The following ITIH3 variants were observed in gnomAD, a reference collection of about 807,000 sequenced individuals.
ITIH3 encodes the protein inter-alpha-trypsin inhibitor heavy chain 3.
Under a neutral mutation model 96.5 loss-of-function variants are expected in ITIH3, and 81 were observed. The ratio of observed to expected loss-of-function variants is 0.84; its 90% CI spans 0.70 to 1.01. The LOEUF is 1.01. ITIH3 is among the 50% of genes least tolerant of loss of function. The pLI, the probability that ITIH3 is intolerant of heterozygous loss-of-function variation, is 0.00. For synonymous variants in ITIH3, 422 were observed against 445.2 expected (o/e 0.95, Z 0.66); for missense variants, 1,057 against 1,139.3 (o/e 0.93, Z 1.04).
intron 9 of ITIH3, 102 bp downstream of exon 9, chr3:52,800,023 T>A: frequency 9.0e-7 from 1 of 1,112,738 alleles, no homozygotes; most frequent in Non-Finnish European, 1.3e-6. Context: ...TCTCAGGCCC[T>A]CTTCAGATCT....
chr3:52,802,722 C>T lies in ITIH3; in HGVS notation c.1625C>T (p.Ala542Val). The stretch of plus-strand genomic sequence containing the variant: ...GTGGACATGAAGGAGATGGAGAAGG[C>T]CCTGCAGGAGCGGGACTACATCTTC... ...EEVDMKEMEKALQERDYIFGN... is the reference protein window; with the variant it reads ...EEVDMKEMEKVLQERDYIFGN... Residue 542 changes from alanine (A) to valine (V), a missense_variant, in exon 13 of 22, where the codon GCC becomes GTC. Transcript: ENST00000449956. 6.2e-7 allele frequency: 1 copy of T among 1,613,978 alleles called. No homozygotes were observed. The highest frequency in any genetic ancestry group is 8.5e-7 in the Non-Finnish European group (1 of 1,179,874).
chr3:52,806,420 G>A lies in ITIH3; in HGVS notation c.2056+14G>A, dbSNP rs766167393. Reference sequence around the variant, plus strand: ...ATGCAGTCACAGGTGAGGCTTGTGGGCTAGGGCCGGGGCCAGGGGGCTCTT... The same window carrying A: ...ATGCAGTCACAGGTGAGGCTTGTGGACTAGGGCCGGGGCCAGGGGGCTCTT... On this transcript the variant is annotated intron_variant, in intron 18 of 21. Coordinates refer to ENST00000449956, the MANE Select transcript of ITIH3 (RefSeq NM_002217.4). 1.9e-6 allele frequency: 3 copies of A among 1,600,558 alleles called. No homozygotes were observed. The highest frequency in any genetic ancestry group is 2.2e-5 in the East Asian group (1 of 44,716).
At chr3:52,797,977 C>T (rs371603059) in intron 6 of ITIH3, 47 bp downstream of exon 6, 3 of 1,150,484 alleles carry the variant, frequency 2.6e-6, no homozygotes, top group Non-Finnish European at 2.5e-6. Flanking sequence ...GACAGGAATA[C>T]TGACTCCAGC....
chr3:52,808,364 C>G (rs928612871), intron 21 of ITIH3, 143 bp downstream of exon 21: 1 of 1,053,858 alleles, frequency 9.5e-7, no homozygotes, highest in Admixed American at 2.3e-5. Context: ...CCCTCCCAGG[C>G]TCTTGCTAAT....
chr3:52,802,765 G>A lies in ITIH3; in HGVS notation c.1668G>A (p.Arg556=), dbSNP rs747035733. Residue 556 remains arginine, a synonymous_variant, in exon 13 of 22, where the codon CGG becomes CGA. Transcript: ENST00000449956. ...RDYIFGNYIE[R]LWAYLTIEQL... The stretch of plus-strand genomic sequence containing the variant: ...ACATCTTCGGGAATTACATTGAGCG[G>A]CTCTGGGCCTACCTCACCATTGAGC... 5.0e-6 allele frequency: 8 copies of A among 1,613,992 alleles called. No individual in the cohort carries two copies. Among genetic ancestry groups the A allele is most frequent in the Non-Finnish European group, 5.9e-6 (7 of 1,179,880 alleles).
rs955021731 is a variant in ITIH3 at position 52,802,655 on chromosome 3, C to T, written c.1570-12C>T. ...GCCTCCAGCCCCTTGCCTCCTTCTA[C>T]CCCCACCCTAGGCCACCAACGACCT... is the stretch of plus-strand genomic sequence containing the variant. On this transcript the variant is annotated splice_polypyrimidine_tract_variant and intron_variant, in intron 12 of 21. Coordinates refer to ENST00000449956, the MANE Select transcript of ITIH3 (RefSeq NM_002217.4). The T allele has an allele frequency of 6.2e-7, 1 of 1,613,698 alleles. No homozygotes were observed. Among genetic ancestry groups the T allele is most frequent in the Non-Finnish European group, 8.5e-7 (1 of 1,179,848 alleles).
In ITIH3 at chr3:52,802,735, G is replaced by A. The variant is rs199774480; in HGVS notation, c.1638G>A (p.Arg546=). ...MKEMEKALQE[R]DYIFGNYIER... is the part of the protein sequence containing the mutation. ...AGATGGAGAAGGCCCTGCAGGAGCG[G>A]GACTACATCTTCGGGAATTACATTG... The change falls in exon 13 of 22, where the codon CGG becomes CGA. Residue 546 remains arginine, a synonymous_variant. Transcript: ENST00000449956. 290 of 1,613,954 alleles carry A rather than the reference G, an allele frequency of 1.8e-4. No homozygotes were observed. Among genetic ancestry groups the A allele is most frequent in the Non-Finnish European group, 2.1e-4 (253 of 1,179,878 alleles).
intron 4 of ITIH3, 84 bp from the exon 5 acceptor site, chr3:52,797,021 A>G: frequency 6.7e-7 from 1 of 1,490,458 alleles, no homozygotes; most frequent in Non-Finnish European, 9.1e-7. Flanking sequence ...CTCCCTCGCC[A>G]AAGGGCTGGG....
chr3:52,801,170 C>G (rs58253432), intron 11 of ITIH3, 24 bp downstream of exon 11: 9 of 1,529,258 alleles, frequency 5.9e-6, no homozygotes, highest in Non-Finnish European at 7.9e-6. Context: ...TGCACACTTC[C>G]GGGCATAAGG....
chr3:52,806,389 T>C lies in ITIH3; in HGVS notation c.2039T>C (p.Ile680Thr). The C allele has an allele frequency of 6.2e-7, 1 of 1,613,318 alleles. No individual in the cohort carries two copies. Among genetic ancestry groups the C allele is most frequent in the Non-Finnish European group, 8.5e-7 (1 of 1,179,504 alleles). ...DEAPGTVLRL[I>T]QDAVTGLTVN... ...GCCCCAGGCACAGTGCTGCGCCTTA[T>C]TCAGGATGCAGTCACAGGTGAGGCT... Residue 680 changes from isoleucine (I) to threonine (T), a missense_variant, in exon 18 of 22, where the codon ATT becomes ACT. Ile to Thr is a moderately conservative substitution (Grantham distance 89, BLOSUM62 -1). Transcript: ENST00000449956.
At position 52,806,115 on chromosome 3, in the gene ITIH3, C is replaced by T. The variant is rs60805548; in HGVS notation, c.1919C>T (p.Pro640Leu). ...TTTGTATCTGCAGCCAGCTACCAGC[C>T]TCCTCAAAACCCCTACTACTATGGT... Reference protein sequence around the residue: ...PAMSYLTSYQPPQNPYYYVDG... With the variant: ...PAMSYLTSYQLPQNPYYYVDG... Residue 640 changes from proline (P) to leucine (L), a missense_variant, in exon 17 of 22, where the codon CCT (proline) becomes CTT (leucine). Pro to Leu is a moderately conservative substitution (Grantham distance 98). Transcript: ENST00000449956. 14,507 of 1,602,614 alleles carry T rather than the reference C, an allele frequency of 9.1e-3. 1,206 individuals are homozygous for T. In the African/African-American group the frequency reaches 0.17, roughly 19 times the overall value.
chr3:52,801,450 T>C (rs1699826860), intron 11 of ITIH3, among the ~76,000 whole-genome samples: 1 of 152,216 alleles, frequency 6.6e-6, no homozygotes, highest in Non-Finnish European at 1.5e-5. Flanking sequence ...TGTATTAGTG[T>C]ATGGCGGCTG....
chr3:52,806,837 C>T (rs62255418), intron 18 of ITIH3, 64 bp from the exon 19 acceptor site: 73,661 of 1,380,262 alleles, frequency 0.053, 2,313 homozygotes, highest in Non-Finnish European at 0.064. Context: ...AAGGCACACC[C>T]CTAAAGGCAA....
chr3:52,799,421 TG>T lies in ITIH3; in HGVS notation c.841del (p.Val281CysfsTer8). The T allele has an allele frequency of 6.2e-7, 1 of 1,612,150 alleles. No homozygotes were observed. Among genetic ancestry groups the T allele is most frequent in the Non-Finnish European group, 8.5e-7 (1 of 1,179,178 alleles). ...VHFFAPQGLP[V>X]VPKNVAFVID... ...TTCTTTGCACCTCAAGGCCTTCCAG[TG>T]GTGCCTAAGAACGTGGCCTTTGTGA... On this transcript the variant is annotated frameshift_variant, in exon 8 of 22. Coordinates refer to ENST00000449956, the MANE Select transcript of ITIH3 (RefSeq NM_002217.4). LOFTEE classifies it high-confidence loss of function.
chr3:52,803,999 G>T lies in ITIH3; in HGVS notation c.1854G>T (p.Lys618Asn). 1 of 1,612,994 alleles carries T rather than the reference G, an allele frequency of 6.2e-7. No homozygotes were observed. The highest frequency in any genetic ancestry group is 2.2e-5 in the East Asian group (1 of 44,844). Reference protein sequence around the residue: ...DNEDERAIADKPGEDAEATPV... With the variant: ...DNEDERAIADNPGEDAEATPV... ...AGGATGAGAGGGCCATTGCCGACAA[G>T]CCTGGGGAAGGTGGGGATAGGGATG... Residue 618 changes from lysine to asparagine, a missense_variant, in exon 14 of 22, where the codon AAG becomes AAT. Lys to Asn is a moderately conservative substitution (Grantham distance 94). Transcript: ENST00000449956.
Position 52,806,383 on chromosome 3 carries a change from G to T in ITIH3, c.2033G>T (p.Arg678Leu). 1.2e-6 allele frequency: 2 copies of T among 1,613,654 alleles called. No homozygotes were observed. Among genetic ancestry groups the T allele is most frequent in the Non-Finnish European group, 1.7e-6 (2 of 1,179,716 alleles). ...GATGAAGCCCCAGGCACAGTGCTGCGCCTTATTCAGGATGCAGTCACAGGT... is the reference window on the plus strand; with the variant it reads ...GATGAAGCCCCAGGCACAGTGCTGCTCCTTATTCAGGATGCAGTCACAGGT... ...NIDEAPGTVL[R>L]LIQDAVTGLT... Residue 678 changes from arginine to leucine, a missense_variant, in exon 18 of 22, where the codon CGC (arginine) becomes CTC (leucine). Transcript: ENST00000449956.
At chr3:52,805,981 G>A in intron 16 of ITIH3, 122 bp from the exon 17 acceptor site, 3 of 1,504,996 alleles carry the variant, frequency 2.0e-6, no homozygotes, top group Non-Finnish European at 9.1e-7. Context: ...GGGGTGGGAG[G>A]GCAATGGCAT....
At chr3:52,803,287 TTTA>T (rs1256026493) in intron 13 of ITIH3, among the ~76,000 whole-genome samples, 4 of 143,860 alleles carry the variant, frequency 2.8e-5, no homozygotes, top group East Asian at 1.9e-4. Flanking sequence ...TATTTATTTA[TTTA>T]TTTATTTATT....
Position 52,808,561 on chromosome 3 carries a change from G to C in ITIH3, c.2553G>C (p.Gln851His), listed in dbSNP as rs1320019670. 6.2e-7 allele frequency: 1 copy of C among 1,613,786 alleles called. No homozygotes were observed. ...TCTCTTCTTTCCCCAGGGGCTCCCA[G>C]AAAGACTACAGAAAGGATGCCAGCA... Reference protein sequence around the residue: ...NHQLIVTRGSQKDYRKDASIG... With the variant: ...NHQLIVTRGSHKDYRKDASIG... The change falls in exon 22 of 22, where the codon CAG becomes CAC. Residue 851 changes from glutamine (Q) to histidine (H), a missense_variant. Transcript: ENST00000449956.
Sources: allele counts gnomAD v4.1 joint callset (sites outside exome capture counted in the v4.1 genomes callset), GRCh38; gene constraint gnomAD v4.1.1; transcripts MANE v1.5; gene names NCBI Gene and HGNC (gene_info 2026-07-23, HGNC 2026-07-21).